MGAT5: variants seen among roughly 807,000 people sequenced by gnomAD.
MGAT5 encodes alpha-1,6-mannosylglycoprotein 6-beta-N-acetylglucosaminyltransferase.
A neutral mutation model predicts 94.3 loss-of-function variants in MGAT5; 30 were observed. The ratio of observed to expected loss-of-function variants is 0.32; its 90% CI spans 0.24 to 0.43. The LOEUF (loss-of-function observed/expected upper bound fraction) is 0.43, where lower values mean the gene tolerates loss of function less well. Among genes scored for constraint, MGAT5 ranks in the 20% least tolerant of loss-of-function variants. The probability of loss-of-function intolerance (pLI) is 1.00; values close to 1 mark genes in which losing one functional copy is unlikely to be tolerated. For missense variants in MGAT5, 691 were observed against 905.5 expected, an observed-to-expected ratio of 0.76 and a Z score of 3.04; for synonymous variants, 310 against 322.9, an observed-to-expected ratio of 0.96 and a Z score of 0.43.
At chr2:134,321,794 G>A (rs1044567489) in intron 4 of MGAT5, among the ~76,000 whole-genome samples, 2 of 152,114 alleles carry the variant, frequency 1.3e-5, no homozygotes, top group African/African-American at 2.4e-5. Context: ...TTGACACCAC[G>A]TTATGTGTTA....
At position 134,262,407 on chromosome 2, in the gene MGAT5, T is replaced by A. The variant is rs919585519; in HGVS notation, c.241+7763T>A. Among the ~76,000 whole-genome samples, 15 of 152,224 alleles carry A rather than the reference T, an allele frequency of 9.9e-5. No individual in the cohort carries two copies. The South Asian group carries it at 3.1e-3, about 32-fold the overall frequency. ...CATGTGCCACCACACTAGGCTAATT[T>A]AAAACAAAAGTTTTTTTCTGAAGAT... On this transcript the variant is annotated intron_variant, in intron 1 of 15. Transcript: ENST00000281923.
At chr2:134,187,951 C>T (rs1008868843) in intron 1 of MGAT5, among the ~76,000 whole-genome samples, 41 of 152,246 alleles carry the variant, frequency 2.7e-4, no homozygotes, top group Admixed American at 2.5e-3. Flanking sequence ...GGAGAGATTC[C>T]GCCTGTGGTG....
At chr2:134,383,871 G>A (rs184114093) in intron 10 of MGAT5, among the ~76,000 whole-genome samples, 7 of 152,174 alleles carry the variant, frequency 4.6e-5, no homozygotes, top group African/African-American at 1.2e-4. Context: ...TAGTAGAGAC[G>A]GGGTTTTACC....
At chr2:134,150,371 G>A (rs1687117800) in intron 1 of MGAT5, among the ~76,000 whole-genome samples, 1 of 152,140 alleles carries the variant, frequency 6.6e-6, no homozygotes, top group South Asian at 2.1e-4. Context: ...CATGTAAATT[G>A]TCCCCTGGTT....
intron 1 of MGAT5, among the ~76,000 whole-genome samples, chr2:134,265,384 A>G (rs1395849670): frequency 6.6e-6 from 1 of 152,168 alleles, no homozygotes; most frequent in African/African-American, 2.4e-5. Flanking sequence ...CTGTCTGCTC[A>G]AGGATGTGTC....
chr2:134,221,147 GC>G (rs1460741945), intron 1 of MGAT5, among the ~76,000 whole-genome samples: 2 of 152,276 alleles, frequency 1.3e-5, no homozygotes, highest in East Asian at 1.9e-4. Flanking sequence ...AGTGACCATG[GC>G]CCGTGACACA....
At chr2:134,344,901 T>G (rs1172571444) in intron 7 of MGAT5, 29 bp from the exon 8 acceptor site, 1 of 1,604,274 alleles carries the variant, frequency 6.2e-7, no homozygotes, top group Admixed American at 1.7e-5. Context: ...TTTCTCTTTT[T>G]TCTCCCCTCT....
At chr2:134,296,226 A>T (rs550388314) in intron 2 of MGAT5, among the ~76,000 whole-genome samples, 5 of 152,154 alleles carry the variant, frequency 3.3e-5, no homozygotes, top group Non-Finnish European at 5.9e-5. Flanking sequence ...GGATGGACAC[A>T]TGGAATTTAA....
chr2:134,196,430 G>A (rs1265199803), intron 1 of MGAT5, among the ~76,000 whole-genome samples: 1 of 151,748 alleles, frequency 6.6e-6, no homozygotes, highest in African/African-American at 2.4e-5. Context: ...TGGATCCAAG[G>A]GAGCTTTTTA....
At chr2:134,191,750 CCTTGCGCTAGCAGGTT>C (rs1464279943) in intron 1 of MGAT5, among the ~76,000 whole-genome samples, 1 of 134,702 alleles carries the variant, frequency 7.4e-6, no homozygotes, top group Non-Finnish European at 1.6e-5. Flanking sequence ...TCCTCCTCCT[CCTTGCGCTAGCAGGTT>C]CCTGATGGTA....
chr2:134,216,092 G>A (rs930168318), intron 1 of MGAT5, among the ~76,000 whole-genome samples: 1 of 152,114 alleles, frequency 6.6e-6, no homozygotes, highest in African/African-American at 2.4e-5. Context: ...ATCTCTCAGT[G>A]GTTCTGTAAG....
intron 3 of MGAT5, among the ~76,000 whole-genome samples, chr2:134,318,411 C>T (rs1000369074): frequency 3.3e-5 from 5 of 152,176 alleles, no homozygotes; most frequent in African/African-American, 1.2e-4. Flanking sequence ...CGACCTTACT[C>T]TCCACTCTAA....
chr2:134,226,035 G>T (rs1681044962), intron 1 of MGAT5, among the ~76,000 whole-genome samples: 1 of 152,250 alleles, frequency 6.6e-6, no homozygotes, highest in Non-Finnish European at 1.5e-5. Flanking sequence ...ACCTGCTGGT[G>T]TGTAGCCTTA....
chr2:134,269,776 C>T (rs1421994112), intron 1 of MGAT5, among the ~76,000 whole-genome samples: 2 of 152,124 alleles, frequency 1.3e-5, no homozygotes, highest in East Asian at 3.9e-4. Flanking sequence ...ATATCTGGCA[C>T]ATAGTAGTAG....
Position 134,453,592 on chromosome 2 carries a change from G to A in MGAT5, c.*4745G>A, listed in dbSNP as rs1686208873. On this transcript the variant is annotated 3_prime_UTR_variant, in exon 16 of 16. Transcript: ENST00000281923. ...CCAATTGAACTTACACATTCCCCAG[G>A]CAGGTCCCTTTGCCGGCCCCTACAG... 1 of 152,178 alleles carries A rather than the reference G, an allele frequency of 6.6e-6. No homozygotes were observed. The highest frequency in any genetic ancestry group is 1.5e-5 in the Non-Finnish European group (1 of 68,038). The allele number at this position is 152,178 out of a possible 1,614,324, so 9.4% of individuals were successfully genotyped here. A position where few individuals can be genotyped will look rare whatever the true frequency, so the allele number is the denominator to read the frequency against.
At position 134,362,403 on chromosome 2, in the gene MGAT5, T is replaced by C; in HGVS notation, c.1375T>C (p.Trp459Arg). 1 of 1,614,070 alleles carries C rather than the reference T, an allele frequency of 6.2e-7. No homozygotes were observed. Among genetic ancestry groups the C allele is most frequent in the Non-Finnish European group, 8.5e-7 (1 of 1,179,946 alleles). The stretch of plus-strand genomic sequence containing the variant: ...TGTGTATGGCAAAGTGGATAGCTTC[T>C]GGAAGGTGAGTCAGTCTGTGCGTGT... Reference protein sequence around the residue: ...SLVYGKVDSFWKNKKIYLDII... With the variant: ...SLVYGKVDSFRKNKKIYLDII... The change falls in exon 10 of 16, where the codon TGG becomes CGG. Residue 459 changes from tryptophan to arginine, a missense_variant. Trp to Arg is a moderately radical substitution (Grantham distance 101, BLOSUM62 -3). Coordinates refer to ENST00000281923, the MANE Select transcript of MGAT5 (RefSeq NM_002410.5).
upstream of MGAT5, among the ~76,000 whole-genome samples, chr2:134,251,283 G>A (rs548612537): frequency 9.2e-5 from 14 of 152,168 alleles, no homozygotes; most frequent in South Asian, 1.2e-3. Flanking sequence ...CTGATGGGGT[G>A]GAAACTCCAT....
At chr2:134,142,926 T>C (rs1025201306) in intron 1 of MGAT5, among the ~76,000 whole-genome samples, 1 of 151,924 alleles carries the variant, frequency 6.6e-6, no homozygotes, top group African/African-American at 2.4e-5. Flanking sequence ...GGTCCTGTTT[T>C]GGTTTTTTTC....
rs531438193 is a variant in MGAT5 at position 134,334,562 on chromosome 2, A to G, written c.574-1655A>G. Among the ~76,000 whole-genome samples, 8 of 131,658 alleles carry G rather than the reference A, an allele frequency of 6.1e-5. No homozygotes were observed. The South Asian group carries it at 1.2e-3, about 19-fold the overall frequency. 86.4% of individuals were successfully genotyped at this position (131,658 alleles called of 152,430 possible). A position where few individuals can be genotyped will look rare whatever the true frequency, so the allele number is the denominator to read the frequency against. The stretch of plus-strand genomic sequence containing the variant: ...ATGGGGTGAGGTTAAAGATCTCACA[A>G]TCAAGTCTACAATCCATTTGAAGTC... On this transcript the variant is annotated intron_variant, in intron 4 of 15. Coordinates refer to ENST00000281923, the MANE Select transcript of MGAT5 (RefSeq NM_002410.5).
Sources: allele counts gnomAD v4.1 joint callset (sites outside exome capture counted in the v4.1 genomes callset), GRCh38; gene constraint gnomAD v4.1.1; transcripts MANE v1.5; gene names NCBI Gene and HGNC (gene_info 2026-07-23, HGNC 2026-07-21).